The following GPC3 variants were observed in gnomAD, a reference collection of about 807,000 sequenced individuals.
The protein encoded by GPC3 is glypican-3.
In GPC3, 3 loss-of-function variants were observed where a neutral mutation model predicts 34.4. That is an observed-to-expected ratio of 0.09 (90% CI 0.04 to 0.23). The LOEUF (loss-of-function observed/expected upper bound fraction) is 0.23. Ranked by LOEUF, GPC3 falls within the 10% of genes least tolerant of loss-of-function variation. The probability of loss-of-function intolerance (pLI) is 1.00; values close to 1 mark genes in which losing one functional copy is unlikely to be tolerated. For missense variants in GPC3, 351 were observed against 445.6 expected, an observed-to-expected ratio of 0.79 and a Z score of 1.91; for synonymous variants, 177 against 174.0, an observed-to-expected ratio of 1.02 and a Z score of -0.13.
intron 7 of GPC3, among the ~76,000 whole-genome samples, chrX:133,586,684 C>T (rs768608041): frequency 5.1e-4 from 57 of 111,821 alleles, no homozygotes; most frequent in Non-Finnish European, 9.2e-4. Context: ...ACAACTCAGC[C>T]GACATATTTG....
At chrX:133,732,429 CA>C (rs2071470983) in intron 3 of GPC3, among the ~76,000 whole-genome samples, 1 of 111,418 alleles carries the variant, frequency 9.0e-6, no homozygotes, top group Non-Finnish European at 1.9e-5. Flanking sequence ...TGGGCTGCCC[CA>C]AACCTTAAAC....
chrX:133,661,571 TC>T (rs1213304217), intron 6 of GPC3, among the ~76,000 whole-genome samples, 158 bp downstream of exon 6: 101 of 3,880 alleles, frequency 0.026, 2 homozygotes, highest in African/African-American at 0.064. Context: ...TCTCTCTTTC[TC>T]TCTCTCTCTC....
At chrX:133,543,913 G>T (rs763734469) in intron 7 of GPC3, among the ~76,000 whole-genome samples, 8 of 111,983 alleles carry the variant, frequency 7.1e-5, no homozygotes, top group African/African-American at 2.6e-4. Context: ...GTAGTGGGGG[G>T]ATTTAGGTAG....
chrX:133,583,161 T>C (rs1186330749), intron 7 of GPC3, among the ~76,000 whole-genome samples: 1 of 111,197 alleles, frequency 9.0e-6, no homozygotes, highest in African/African-American at 3.3e-5. Flanking sequence ...CTCCTCTTTC[T>C]TTCCCCCAGC....
At chrX:133,894,392 A>G (rs2076102489) in intron 2 of GPC3, among the ~76,000 whole-genome samples, 2 of 112,220 alleles carry the variant, frequency 1.8e-5, no homozygotes, top group South Asian at 7.5e-4. Context: ...CTTCACATGC[A>G]TATAACTCTG....
At position 133,781,342 on chromosome X, in the gene GPC3, C is replaced by A. The variant is rs557199004; in HGVS notation, c.338-27166G>T. 3.6e-5 allele frequency among the ~76,000 whole-genome samples: 4 copies of A among 111,791 alleles called. No individual in the cohort carries two copies. In the South Asian group the frequency reaches 1.5e-3, roughly 42 times the overall value. The stretch of plus-strand genomic sequence containing the variant: ...ATGCTGAGGCAGGAAGAGTGAGAGA[C>A]CAGGCCATATGGTGACTGTCACAGC... On this transcript the variant is annotated intron_variant, in intron 2 of 7. Coordinates refer to ENST00000370818, the MANE Select transcript of GPC3 (RefSeq NM_004484.4).
intron 2 of GPC3, among the ~76,000 whole-genome samples, chrX:133,865,352 A>C (rs1299534679): frequency 8.9e-6 from 1 of 112,309 alleles, no homozygotes; most frequent in Non-Finnish European, 1.9e-5. Flanking sequence ...ATTTTGCCAA[A>C]TAAATTACTT....
rs1997640 is a variant in GPC3 at position 133,692,659 on chromosome X, T to A, written c.1167-165A>T. ...ACAAGGCCACAGTTTAGTTTTTTTT[T>A]AAAAATCAATAAAATGATATTAGAA... On this transcript the variant is annotated intron_variant, in intron 4 of 7. Coordinates refer to ENST00000370818, the MANE Select transcript of GPC3 (RefSeq NM_004484.4). 0.059 allele frequency among the ~76,000 whole-genome samples: 6,614 copies of A among 112,117 alleles called. 498 individuals are homozygous for A. Among genetic ancestry groups the A allele is most frequent in the African/African-American group, 0.2 (6,088 of 30,692 alleles).
In GPC3 at chrX:133,753,542, A is replaced by G. The variant is rs183678432; in HGVS notation, c.972T>C (p.Phe324=). ...ACTGGATAGAATCATGGATTGTTGA[A>G]AAGAGACCAAGCAGTACGTTCTCCA... The part of the protein sequence containing the change: ...YDMENVLLGL[F]STIHDSIQYV... Residue 324 remains phenylalanine, a synonymous_variant, in exon 3 of 8, where the codon TTT becomes TTC. Coordinates refer to ENST00000370818, the MANE Select transcript of GPC3 (RefSeq NM_004484.4). The G allele has an allele frequency of 5.7e-5, 69 of 1,209,119 alleles. No homozygotes were observed. The East Asian group carries it at 1.1e-3, about 19-fold the overall frequency.
chrX:133,639,783 T>A (rs1412875976), intron 6 of GPC3, among the ~76,000 whole-genome samples: 1 of 112,055 alleles, frequency 8.9e-6, no homozygotes, highest in African/African-American at 3.2e-5. Context: ...TAGGCAGTAC[T>A]GGTTAATTTC....
At chrX:133,924,218 G>T (rs2076265840) in intron 2 of GPC3, among the ~76,000 whole-genome samples, 1 of 111,647 alleles carries the variant, frequency 9.0e-6, no homozygotes, top group South Asian at 3.8e-4. Context: ...CACTTTTGAA[G>T]CTATTTCCTA....
chrX:133,899,122 T>A (rs774549254), intron 2 of GPC3, among the ~76,000 whole-genome samples: 1 of 112,544 alleles, frequency 8.9e-6, no homozygotes, highest in Non-Finnish European at 1.9e-5. Flanking sequence ...AAAAAGTAAC[T>A]TTTAAAATAC....
chrX:133,758,398 A>G, intron 2 of GPC3, among the ~76,000 whole-genome samples: 1 of 111,794 alleles, frequency 8.9e-6, no homozygotes, highest in South Asian at 3.8e-4. Context: ...TGTCCTTTCC[A>G]GGAACATGAA....
chrX:133,589,809 GC>G (rs1447041768), intron 7 of GPC3, among the ~76,000 whole-genome samples: 2 of 111,703 alleles, frequency 1.8e-5, no homozygotes, highest in African/African-American at 6.5e-5. Flanking sequence ...TAAGCCCTAA[GC>G]CCAAGATGTT....
At chrX:133,651,808 C>T in intron 6 of GPC3, among the ~76,000 whole-genome samples, 1 of 112,236 alleles carries the variant, frequency 8.9e-6, no homozygotes, top group Non-Finnish European at 1.9e-5. Context: ...ATTAGCTACA[C>T]ATTTATCCAA....
intron 6 of GPC3, among the ~76,000 whole-genome samples, chrX:133,609,626 T>C (rs1459954300): frequency 1.8e-5 from 2 of 112,435 alleles, no homozygotes; most frequent in Non-Finnish European, 3.8e-5. Context: ...TTCATAGTCA[T>C]TTAACATCTA....
chrX:133,822,072 A>AT (rs759613097), intron 2 of GPC3, among the ~76,000 whole-genome samples: 12 of 112,167 alleles, frequency 1.1e-4, no homozygotes, highest in Middle Eastern at 4.6e-3. Flanking sequence ...ATCTGAAAAT[A>AT]TTAAACAAAA....
intron 7 of GPC3, among the ~76,000 whole-genome samples, chrX:133,579,774 G>A (rs1277618615): frequency 9.0e-6 from 1 of 111,232 alleles, no homozygotes; most frequent in Non-Finnish European, 1.9e-5. Flanking sequence ...GGGCTCAAGT[G>A]ATCCTCCCAC....
chrX:133,818,133 T>G (rs981271569), intron 2 of GPC3, among the ~76,000 whole-genome samples: 3 of 111,514 alleles, frequency 2.7e-5, no homozygotes, highest in Admixed American at 1.9e-4. Context: ...AGCAGCTGCC[T>G]TTTATCGATT....
Sources: allele counts gnomAD v4.1 joint callset (sites outside exome capture counted in the v4.1 genomes callset), GRCh38; gene constraint gnomAD v4.1.1; transcripts MANE v1.5; gene names NCBI Gene and HGNC (gene_info 2026-07-23, HGNC 2026-07-21).